SCGB2B2: variants seen among roughly 807,000 people sequenced by gnomAD.
SCGB2B2 encodes the protein secretoglobin-like protein.
SCGB2B2 carries 11 observed loss-of-function variants against 7.6 expected under a neutral mutation model. The observed-to-expected ratio is 1.45, with a 90% confidence interval of 0.91 to 2.40. The LOEUF (loss-of-function observed/expected upper bound fraction) is 2.40. Ranked by LOEUF, SCGB2B2 falls within the 30% of genes most tolerant of loss-of-function variation. The probability of loss-of-function intolerance (pLI) is 0.00; values close to 1 mark genes in which losing one functional copy is unlikely to be tolerated. For synonymous variants in SCGB2B2, 50 were observed against 48.6 expected, an observed-to-expected ratio of 1.03 and a Z score of -0.12; for missense variants, 104 against 115.4, an observed-to-expected ratio of 0.90 and a Z score of 0.45.
At chr19:34,665,574 C>T (rs2067592619) in intron 1 of SCGB2B2, among the ~76,000 whole-genome samples, 1 of 151,886 alleles carries the variant, frequency 6.6e-6, no homozygotes, top group African/African-American at 2.4e-5. Context: ...ACTTGTGGGG[C>T]AGTCCTGTAA....
intron 1 of SCGB2B2, among the ~76,000 whole-genome samples, chr19:34,664,303 TG>T (rs1387004127): frequency 1.3e-5 from 2 of 152,162 alleles, no homozygotes; most frequent in African/African-American, 4.8e-5. Context: ...CAGACTACAG[TG>T]GGAGCCAGTG....
At position 34,593,603 on chromosome 19, in the gene SCGB2B2, T is replaced by C. The variant is rs998208533; in HGVS notation, c.247-4A>G. On this transcript the variant is annotated splice_region_variant and splice_polypyrimidine_tract_variant and intron_variant, in intron 3 of 3. Coordinates refer to ENST00000601241, the MANE Select transcript of SCGB2B2 (RefSeq NM_001025591.4). ...CGTTGCTCTGAAGGATCTTCTTCTG[T>C]TGGAAAAAGAAGAAAGAGAGGAGCC... 1.3e-6 allele frequency: 2 copies of C among 1,551,900 alleles called. No individual in the cohort carries two copies. The highest frequency in any genetic ancestry group is 1.7e-6 in the Non-Finnish European group (2 of 1,147,164).
chr19:34,656,893 C>G (rs2067297553), intron 1 of SCGB2B2, among the ~76,000 whole-genome samples: 1 of 150,970 alleles, frequency 6.6e-6, no homozygotes, highest in Non-Finnish European at 1.5e-5. Flanking sequence ...AGTTCAGATA[C>G]TAAACAAAAA....
Position 34,649,628 on chromosome 19 carries a change from C to T in SCGB2B2, c.-2032+26002G>A, listed in dbSNP as rs375026009. Among the ~76,000 whole-genome samples the T allele has an allele frequency of 2.6e-4, 39 of 152,234 alleles. No homozygotes were observed. In the East Asian group the frequency reaches 3.7e-3, roughly 14 times the overall value. ...CTTTGGGAGGCAGAGATGGGTGAAT[C>T]ATTTGAGGTCAGGAGTTCGAGACCA... On this transcript the variant is annotated intron_variant, in intron 1 of 3. Transcript: ENST00000601241.
intron 1 of SCGB2B2, among the ~76,000 whole-genome samples, chr19:34,674,019 C>T (rs1017661363): frequency 6.6e-6 from 1 of 152,182 alleles, no homozygotes; most frequent in African/African-American, 2.4e-5. Context: ...ACTAGCCCTC[C>T]ATTTAAAGTT....
At chr19:34,585,649 G>A (rs1306087333), downstream of SCGB2B2, among the ~76,000 whole-genome samples, 1 of 152,218 alleles carries the variant, frequency 6.6e-6, no homozygotes, top group African/African-American at 2.4e-5. Context: ...GATGCTTGGT[G>A]GGCAGGGGAC....
chr19:34,594,097 TGGAAGGCAAGTGCAG>T, intron 3 of SCGB2B2, 63 bp downstream of exon 3: 1 of 1,182,476 alleles, frequency 8.5e-7, no homozygotes, highest in Admixed American at 1.9e-5. Context: ...GAAAGCAGGA[TGGAAGGCAAGTGCAG>T]GGAAGTGCAA....
rs904723829 is a variant in SCGB2B2, at chr19:34,656,493, C to T, written c.-2032+19137G>A. 8.6e-5 allele frequency among the ~76,000 whole-genome samples: 13 copies of T among 151,136 alleles called. 1 individual carries two copies. Among genetic ancestry groups the T allele is most frequent in the African/African-American group, 3.2e-4 (13 of 40,456 alleles). ...TGGCACCCACCTAAAATCCCAGCTA[C>T]TCGGGAGGCTGAGGTGGGAGGATCG... On this transcript the variant is annotated intron_variant, in intron 1 of 3. Coordinates refer to ENST00000601241, the MANE Select transcript of SCGB2B2 (RefSeq NM_001025591.4).
At chr19:34,633,493 A>T (rs2066591468) in intron 1 of SCGB2B2, among the ~76,000 whole-genome samples, 1 of 152,240 alleles carries the variant, frequency 6.6e-6, no homozygotes, top group Non-Finnish European at 1.5e-5. Flanking sequence ...CAAAATAATT[A>T]TGCTGAGTGA....
At chr19:34,639,450 C>T (rs911897331) in intron 1 of SCGB2B2, among the ~76,000 whole-genome samples, 11 of 152,296 alleles carry the variant, frequency 7.2e-5, no homozygotes, top group Admixed American at 2.0e-4. Context: ...TGCTTCCAGG[C>T]ATCACATACT....
intron 1 of SCGB2B2, among the ~76,000 whole-genome samples, chr19:34,660,821 A>T (rs1600069029): frequency 6.6e-6 from 1 of 152,222 alleles, no homozygotes; most frequent in African/African-American, 2.4e-5. Context: ...AGACACATGT[A>T]CACATATGTT....
At chr19:34,648,341 C>T (rs984203186) in intron 1 of SCGB2B2, among the ~76,000 whole-genome samples, 6 of 152,172 alleles carry the variant, frequency 3.9e-5, no homozygotes, top group African/African-American at 1.2e-4. Flanking sequence ...TTTTAACGAT[C>T]AAAGGCCACG....
At chr19:34,621,536 A>G (rs1035305324) in intron 1 of SCGB2B2, among the ~76,000 whole-genome samples, 1 of 147,996 alleles carries the variant, frequency 6.8e-6, no homozygotes, top group Non-Finnish European at 1.5e-5. Context: ...AGTGGAGAAA[A>G]GTAATTTAGT....
At position 34,611,242 on chromosome 19, in the gene SCGB2B2, T is replaced by C. The variant is rs1403578911; in HGVS notation, c.-2031-14648A>G. Among the ~76,000 whole-genome samples, 5 of 152,308 alleles carry C rather than the reference T, an allele frequency of 3.3e-5. No homozygotes were observed. The South Asian group carries it at 1.0e-3, about 32-fold the overall frequency. On this transcript the variant is annotated intron_variant, in intron 1 of 3. Coordinates refer to ENST00000601241, the MANE Select transcript of SCGB2B2 (RefSeq NM_001025591.4). ...CATAGTTAGTCTGGTTAATGGTCTG[T>C]TGATTATTTTTATCTTTTAAACATA...
rs1357348597 is a variant in SCGB2B2 at position 34,616,380 on chromosome 19, T to C, written c.-2031-19786A>G. Among the ~76,000 whole-genome samples, 145 of 125,134 alleles carry C rather than the reference T, an allele frequency of 1.2e-3. 3 individuals are homozygous for C. The highest frequency in any genetic ancestry group is 3.7e-3 in the African/African-American group (138 of 37,436). 82.1% of individuals were successfully genotyped at this position (125,134 alleles called of 152,430 possible). A position where few individuals can be genotyped will look rare whatever the true frequency, so the allele number is the denominator to read the frequency against. On this transcript the variant is annotated intron_variant, in intron 1 of 3. Coordinates refer to ENST00000601241, the MANE Select transcript of SCGB2B2 (RefSeq NM_001025591.4). Reference sequence around the variant, plus strand: ...TTCCTGACTTTTTAATGATCGCCATTCTAACTGGTGTGAGATGGTATCTCA... The same window carrying C: ...TTCCTGACTTTTTAATGATCGCCATCCTAACTGGTGTGAGATGGTATCTCA...
Position 34,656,631 on chromosome 19 carries a change from A to T in SCGB2B2, c.-2032+18999T>A, listed in dbSNP as rs191594893. 9.4e-4 allele frequency among the ~76,000 whole-genome samples: 142 copies of T among 151,396 alleles called. 12 individuals carry two copies. The highest frequency in any genetic ancestry group is 3.3e-3 in the African/African-American group (136 of 40,702). On this transcript the variant is annotated intron_variant, in intron 1 of 3. Coordinates refer to ENST00000601241, the MANE Select transcript of SCGB2B2 (RefSeq NM_001025591.4). ...GAAAATTTAAAAATTCTCTTAGAAA[A>T]TAGAAGTAGCATAATATATCTTAAT...
downstream of SCGB2B2, among the ~76,000 whole-genome samples, chr19:34,588,447 G>A (rs2065227653): frequency 6.6e-6 from 1 of 152,208 alleles, no homozygotes. Flanking sequence ...AGTCAGGCCG[G>A]GCCAGGTGGG....
chr19:34,651,965 AAC>A (rs1283740937), intron 1 of SCGB2B2, among the ~76,000 whole-genome samples: 1 of 151,194 alleles, frequency 6.6e-6, no homozygotes, highest in Non-Finnish European at 1.5e-5. Context: ...ATAACTCAGA[AAC>A]ACATCCAGCT....
At chr19:34,669,709 C>T (rs2067746173) in intron 1 of SCGB2B2, among the ~76,000 whole-genome samples, 1 of 3,418 alleles carries the variant, frequency 2.9e-4, no homozygotes, top group East Asian at 2.5e-3. Flanking sequence ...TGCCCTGCCC[C>T]CACTTACACA....
Sources: gnomAD v4.1 joint callset for allele counts (sites outside exome capture counted in the v4.1 genomes callset) on GRCh38, gnomAD v4.1.1 for gene constraint, MANE v1.5 for transcripts, NCBI Gene and HGNC (gene_info 2026-07-23, HGNC 2026-07-21) for gene names.